Variants in SMAD3 observed in about 807,000 individuals in gnomAD.
SMAD3 encodes MAD homolog 3.
In SMAD3, 12 loss-of-function variants were observed where a neutral mutation model predicts 51.8. The observed-to-expected ratio is 0.23, with a 90% CI of 0.15 to 0.38. The LOEUF (loss-of-function observed/expected upper bound fraction) is 0.38, where lower values mean the gene tolerates loss of function less well. SMAD3 is among the 10% of genes least tolerant of loss of function. SMAD3 has a pLI of 1.00. For missense variants in SMAD3, 294 were observed against 565.6 expected (o/e 0.52, Z 4.87); for synonymous variants, 238 against 227.7 (o/e 1.05, Z -0.41).
intron 1 of SMAD3, among the ~76,000 whole-genome samples, chr15:67,152,850 A>T (rs769020848): frequency 1.5e-4 from 23 of 152,144 alleles, no homozygotes; most frequent in Non-Finnish European, 2.6e-4. Flanking sequence ...GTGAAGACCA[A>T]AGCTATTAAA....
chr15:67,087,203 G>C (rs1483859134), intron 1 of SMAD3, among the ~76,000 whole-genome samples: 1 of 152,046 alleles, frequency 6.6e-6, no homozygotes, highest in Non-Finnish European at 1.5e-5. Flanking sequence ...CCTTTCTAAC[G>C]TGATGTCAGT....
intron 1 of SMAD3, among the ~76,000 whole-genome samples, chr15:67,157,225 G>A (rs1962305777): frequency 6.6e-6 from 1 of 152,240 alleles, no homozygotes; most frequent in Admixed American, 6.5e-5. Context: ...GTGTGATAAT[G>A]TTAACAAATT....
At chr15:67,114,245 A>C (rs930576879) in intron 1 of SMAD3, among the ~76,000 whole-genome samples, 1 of 152,152 alleles carries the variant, frequency 6.6e-6, no homozygotes, top group African/African-American at 2.4e-5. Flanking sequence ...TCCCTCTGAC[A>C]TGCCTCTGAG....
At position 67,070,262 on chromosome 15, in the gene SMAD3, GT is replaced by G. The variant is rs372607372; in HGVS notation, c.206+3905del. Among the ~76,000 whole-genome samples, 211 of 152,256 alleles carry G rather than the reference GT, an allele frequency of 1.4e-3. 3 individuals carry two copies. The South Asian group carries it at 0.04, about 29-fold the overall frequency. ...TCCATTATCTCTTTGCTCTTGTTAA[GT>G]TTGATTAGGGGAGTTCCACGTAGGG... On this transcript the variant is annotated intron_variant, in intron 1 of 8. Coordinates refer to ENST00000327367, the MANE Select transcript of SMAD3 (RefSeq NM_005902.4).
Position 67,073,298 on chromosome 15 carries a change from C to G in SMAD3, c.206+6938C>G, listed in dbSNP as rs533530771. 3.3e-4 allele frequency among the ~76,000 whole-genome samples: 50 copies of G among 152,338 alleles called. No homozygotes were observed. The South Asian group carries it at 4.1e-3, about 13-fold the overall frequency. On this transcript the variant is annotated intron_variant, in intron 1 of 8. Coordinates refer to ENST00000327367, the MANE Select transcript of SMAD3 (RefSeq NM_005902.4). The stretch of plus-strand genomic sequence containing the variant: ...GGTTATCTAAGACCCTTCCTATAAA[C>G]AGCAGCCTGCCACAGTGGCAACTGC...
At chr15:67,086,104 AG>A (rs1188066244) in intron 1 of SMAD3, among the ~76,000 whole-genome samples, 1 of 146,492 alleles carries the variant, frequency 6.8e-6, no homozygotes, top group Non-Finnish European at 1.5e-5. Flanking sequence ...GGGGTGGTGC[AG>A]GGGGGTGGAG....
chr15:67,170,668 T>C, intron 5 of SMAD3, 64 bp downstream of exon 5: 4 of 1,409,464 alleles, frequency 2.8e-6, no homozygotes, highest in African/African-American at 1.4e-5. Flanking sequence ...GAGTCGCCAG[T>C]GTGGGGAGGG....
rs34458678 is a variant in SMAD3 at position 67,123,188 on chromosome 15, C to CA, written c.207-41684dup. Among the ~76,000 whole-genome samples the CA allele has an allele frequency of 7.2e-3, 679 of 93,760 alleles. 14 individuals are homozygous for CA. The highest frequency in any genetic ancestry group is 0.028 in the African/African-American group (657 of 23,584). 61.5% of individuals were successfully genotyped at this position (93,760 alleles called of 152,430 possible). A position where few individuals can be genotyped will look rare whatever the true frequency, so the allele number is the denominator to read the frequency against. ...TGGGCAACAGAGTGAGACCCTGTCT[C>CA]AAAAAAAAAAAAAAAAAAAAAAATC... On this transcript the variant is annotated intron_variant, in intron 1 of 8. Coordinates refer to ENST00000327367, the MANE Select transcript of SMAD3 (RefSeq NM_005902.4).
intron 1 of SMAD3, among the ~76,000 whole-genome samples, chr15:67,118,687 A>G (rs1234012436): frequency 6.6e-6 from 1 of 152,186 alleles, no homozygotes; most frequent in Non-Finnish European, 1.5e-5. Flanking sequence ...TCTCAATGTG[A>G]TGTGGGTGTC....
chr15:67,131,885 C>T (rs901021565), intron 1 of SMAD3, among the ~76,000 whole-genome samples: 4 of 152,188 alleles, frequency 2.6e-5, no homozygotes, highest in Non-Finnish European at 5.9e-5. Context: ...CACTACCTGG[C>T]TAAGAACACT....
chr15:67,123,046 A>C lies in SMAD3; in HGVS notation c.207-41849A>C, dbSNP rs141761671. ...ATCTCATCTCTACAAAAAATTAAAA[A>C]TATTAGCTGGGCATGGTGGTGTGAG... is the stretch of plus-strand genomic sequence containing the variant. On this transcript the variant is annotated intron_variant, in intron 1 of 8. Coordinates refer to ENST00000327367, the MANE Select transcript of SMAD3 (RefSeq NM_005902.4). Among the ~76,000 whole-genome samples, 606 of 152,068 alleles carry C rather than the reference A, an allele frequency of 4.0e-3. 2 individuals carry two copies. Among genetic ancestry groups the C allele is most frequent in the African/African-American group, 0.014 (587 of 41,446 alleles).
intron 1 of SMAD3, among the ~76,000 whole-genome samples, chr15:67,133,512 G>T (rs1162329340): frequency 3.9e-5 from 6 of 152,060 alleles, no homozygotes; most frequent in Non-Finnish European, 7.4e-5. Context: ...CAGAAAAATG[G>T]AGCCAAATCT....
intron 1 of SMAD3, among the ~76,000 whole-genome samples, chr15:67,147,643 G>C (rs183401716): frequency 9.3e-4 from 142 of 152,196 alleles, no homozygotes; most frequent in African/African-American, 3.3e-3. Context: ...CCCTTCCACT[G>C]CCCCCGCCCC....
intron 1 of SMAD3, 91 bp downstream of exon 1, chr15:67,066,451 G>T: frequency 2.0e-6 from 2 of 996,760 alleles, no homozygotes. Flanking sequence ...GATGGGAAGA[G>T]GGAGAGAGAG....
intron 5 of SMAD3, among the ~76,000 whole-genome samples, chr15:67,175,094 G>A (rs779333549): frequency 4.6e-5 from 7 of 152,216 alleles, no homozygotes; most frequent in East Asian, 1.9e-4. Flanking sequence ...CATTTAAGGC[G>A]GAAGGATTGG....
intron 5 of SMAD3, among the ~76,000 whole-genome samples, chr15:67,174,055 G>A (rs1962823105): frequency 6.6e-6 from 1 of 152,236 alleles, no homozygotes; most frequent in East Asian, 1.9e-4. Flanking sequence ...GAACACATGT[G>A]GCAGCCTTTC....
chr15:67,086,030 C>A (rs370266804), intron 1 of SMAD3, among the ~76,000 whole-genome samples: 15 of 149,622 alleles, frequency 1.0e-4, no homozygotes, highest in African/African-American at 3.5e-4. Flanking sequence ...TTCTCAACAT[C>A]TTTGAAGTAG....
chr15:67,074,591 C>T (rs1960127098), intron 1 of SMAD3, among the ~76,000 whole-genome samples: 1 of 152,248 alleles, frequency 6.6e-6, no homozygotes, highest in Non-Finnish European at 1.5e-5. Flanking sequence ...ATGGCTCTCC[C>T]AGCTTACATC....
intron 6 of SMAD3, 84 bp from the exon 7 acceptor site, chr15:67,184,643 G>C: frequency 2.0e-6 from 3 of 1,538,346 alleles, no homozygotes; most frequent in Non-Finnish European, 2.7e-6. Context: ...CTGCTGTTCT[G>C]CCTCCTTTGC....
Sources: gnomAD v4.1 joint callset for allele counts (sites outside exome capture counted in the v4.1 genomes callset) on GRCh38, gnomAD v4.1.1 for gene constraint, MANE v1.5 for transcripts, NCBI Gene and HGNC (gene_info 2026-07-23, HGNC 2026-07-21) for gene names.